GAB3: variants seen among roughly 807,000 people sequenced by gnomAD.
GAB3 encodes GRB2 associated binding protein 3.
Under a neutral mutation model 40.4 loss-of-function variants are expected in GAB3, and 12 were observed. The ratio of observed to expected loss-of-function variants is 0.30; its 90% CI spans 0.19 to 0.48. The LOEUF is 0.48. Ranked by LOEUF, GAB3 falls within the 20% of genes least tolerant of loss-of-function variation. The pLI, the probability that GAB3 is intolerant of heterozygous loss-of-function variation, is 0.99. For synonymous variants in GAB3, 154 were observed against 176.7 expected, an observed-to-expected ratio of 0.87 and a Z score of 1.02; for missense variants, 381 against 461.9, an observed-to-expected ratio of 0.82 and a Z score of 1.61.
intron 1 of GAB3, among the ~76,000 whole-genome samples, chrX:154,747,536 C>A (rs1222021491): frequency 8.9e-6 from 1 of 112,045 alleles, no homozygotes; most frequent in African/African-American, 3.2e-5. Flanking sequence ...TACATTGGCT[C>A]ACGCCTGTAA....
chrX:154,681,194 A>C (rs1197472407), intron 8 of GAB3, among the ~76,000 whole-genome samples: 1 of 109,408 alleles, frequency 9.1e-6, no homozygotes, highest in Non-Finnish European at 1.9e-5. Context: ...AGAGTGAACC[A>C]ATCTACACGT....
intron 1 of GAB3, among the ~76,000 whole-genome samples, chrX:154,724,815 T>C (rs1267778005): frequency 8.9e-6 from 1 of 111,968 alleles, no homozygotes; most frequent in African/African-American, 3.3e-5. Context: ...AACAAACATC[T>C]CCAAGTTTGT....
At chrX:154,681,957 G>GATA (rs2070380157) in intron 8 of GAB3, among the ~76,000 whole-genome samples, 1 of 112,104 alleles carries the variant, frequency 8.9e-6, no homozygotes, top group Middle Eastern at 4.6e-3. Flanking sequence ...GAATTGGTTA[G>GATA]ATAATGTCTT....
At chrX:154,725,756 C>T (rs2071204009) in intron 1 of GAB3, among the ~76,000 whole-genome samples, 1 of 111,431 alleles carries the variant, frequency 9.0e-6, no homozygotes, top group Non-Finnish European at 1.9e-5. Flanking sequence ...TAAACAACTG[C>T]CAGAGCTCAC....
chrX:154,710,107 C>T (rs1282787640), intron 4 of GAB3, among the ~76,000 whole-genome samples: 1 of 112,350 alleles, frequency 8.9e-6, no homozygotes, highest in East Asian at 2.8e-4. Flanking sequence ...TGTTCTGATG[C>T]ATATGCATTC....
chrX:154,712,948 T>G (rs782156188), intron 3 of GAB3, among the ~76,000 whole-genome samples: 1 of 112,636 alleles, frequency 8.9e-6, no homozygotes, highest in Admixed American at 9.3e-5. Flanking sequence ...ACCACAATGC[T>G]GAAAAGCATG....
chrX:154,745,333 GAAA>G (rs1407480375), intron 1 of GAB3, among the ~76,000 whole-genome samples: 1 of 81,824 alleles, frequency 1.2e-5, no homozygotes. Flanking sequence ...CTCAGTCTCA[GAAA>G]AAAAAAAAAA....
intron 4 of GAB3, among the ~76,000 whole-genome samples, chrX:154,709,780 C>T (rs2070895456): frequency 1.8e-5 from 2 of 111,662 alleles, no homozygotes; most frequent in Non-Finnish European, 3.8e-5. Flanking sequence ...GAATGGTATC[C>T]TGTCATTTGT....
At chrX:154,727,948 A>T (rs2071236758) in intron 1 of GAB3, among the ~76,000 whole-genome samples, 1 of 112,022 alleles carries the variant, frequency 8.9e-6, no homozygotes, top group African/African-American at 3.3e-5. Flanking sequence ...TCACTCCAAT[A>T]AAATTGAAGT....
intron 1 of GAB3, among the ~76,000 whole-genome samples, chrX:154,729,475 G>A (rs782080159): frequency 9.0e-6 from 1 of 111,576 alleles, no homozygotes; most frequent in African/African-American, 3.3e-5. Flanking sequence ...GGATGAGTTC[G>A]TAACTGCCAG....
chrX:154,722,109 A>G (rs1419751449), intron 1 of GAB3, among the ~76,000 whole-genome samples: 8 of 112,259 alleles, frequency 7.1e-5, no homozygotes, highest in Non-Finnish European at 1.3e-4. Context: ...TCATCCTTAA[A>G]AAGGAAGGAG....
chrX:154,701,794 T>C (rs1174713557), intron 4 of GAB3, among the ~76,000 whole-genome samples: 1 of 111,654 alleles, frequency 9.0e-6, no homozygotes, highest in African/African-American at 3.3e-5. Context: ...ACCTAGGAAT[T>C]AACTTAACCA....
At chrX:154,692,875 A>G (rs1426239125) in intron 8 of GAB3, among the ~76,000 whole-genome samples, 1 of 112,602 alleles carries the variant, frequency 8.9e-6, no homozygotes, top group Non-Finnish European at 1.9e-5. Flanking sequence ...AAAATGGTGC[A>G]GTCACTGTGG....
At chrX:154,691,297 T>A (rs782662038) in intron 8 of GAB3, among the ~76,000 whole-genome samples, 204 of 100,570 alleles carry the variant, frequency 2.0e-3, no homozygotes, top group Non-Finnish European at 3.8e-3. Flanking sequence ...AGGGATAGCA[T>A]TGGGAGATAT....
chrX:154,750,223 T>A (rs1449071706), intron 1 of GAB3, among the ~76,000 whole-genome samples: 1 of 112,643 alleles, frequency 8.9e-6, no homozygotes, highest in Non-Finnish European at 1.9e-5. Context: ...AAGCAGAATG[T>A]TTTTAAGACC....
At chrX:154,720,625 T>G (rs1213721251) in intron 1 of GAB3, among the ~76,000 whole-genome samples, 16 of 33,850 alleles carry the variant, frequency 4.7e-4, no homozygotes, top group Non-Finnish European at 3.6e-4. Context: ...AGACTCCGTC[T>G]CAAAAAAAAA....
At chrX:154,739,703 G>A (rs1220644725) in intron 1 of GAB3, among the ~76,000 whole-genome samples, 3 of 110,520 alleles carry the variant, frequency 2.7e-5, no homozygotes, top group Non-Finnish European at 5.6e-5. Context: ...GAAGACAGAG[G>A]TGGAAGAAGT....
chrX:154,708,656 C>T (rs184833322), intron 4 of GAB3, among the ~76,000 whole-genome samples: 1 of 111,868 alleles, frequency 8.9e-6, no homozygotes, highest in Non-Finnish European at 1.9e-5. Flanking sequence ...CAGAACCACA[C>T]AAGGTATCGG....
chrX:154,719,300 C>T (rs1447562247), intron 1 of GAB3, among the ~76,000 whole-genome samples: 1 of 112,218 alleles, frequency 8.9e-6, no homozygotes, highest in Non-Finnish European at 1.9e-5. Flanking sequence ...GTCTCATGGG[C>T]AACAAGGGAG....
Sources: allele counts gnomAD v4.1 joint callset (sites outside exome capture counted in the v4.1 genomes callset), GRCh38; gene constraint gnomAD v4.1.1; transcripts MANE v1.5; gene names NCBI Gene and HGNC (gene_info 2026-07-23, HGNC 2026-07-21).